ESRRB: variants seen among roughly 807,000 people sequenced by gnomAD.
ESRRB encodes the protein steroid hormone receptor ERR2.
Under a neutral mutation model 46.0 loss-of-function variants are expected in ESRRB, and 16 were observed. The observed-to-expected ratio is 0.35, with a 90% CI of 0.24 to 0.53. The LOEUF is 0.53. Among genes scored for constraint, ESRRB ranks in the 20% least tolerant of loss-of-function variants. The probability of loss-of-function intolerance (pLI) is 0.93; values close to 1 mark genes in which losing one functional copy is unlikely to be tolerated. For missense variants in ESRRB, 488 were observed against 607.4 expected, an observed-to-expected ratio of 0.80 and a Z score of 2.07; for synonymous variants, 246 against 259.6, an observed-to-expected ratio of 0.95 and a Z score of 0.50.
At chr14:76,385,560 G>A (rs1290812236) in intron 1 of ESRRB, among the ~76,000 whole-genome samples, 2 of 152,176 alleles carry the variant, frequency 1.3e-5, no homozygotes, top group East Asian at 3.8e-4. Flanking sequence ...CTTTATTCAT[G>A]GCAAATGAGC....
chr14:76,363,293 G>A (rs1884485632), intron 1 of ESRRB, among the ~76,000 whole-genome samples: 1 of 152,120 alleles, frequency 6.6e-6, no homozygotes, highest in Non-Finnish European at 1.5e-5. Flanking sequence ...TAATTTCTTG[G>A]GTGTGTTTGC....
At chr14:76,311,348 GT>G (rs1246001432) in intron 1 of ESRRB, among the ~76,000 whole-genome samples, 1 of 152,188 alleles carries the variant, frequency 6.6e-6, no homozygotes, top group Non-Finnish European at 1.5e-5. Context: ...GCTGGGGAAG[GT>G]TACCCAAGAA....
chr14:76,398,254 A>G (rs1595079023), intron 1 of ESRRB, among the ~76,000 whole-genome samples: 1 of 152,322 alleles, frequency 6.6e-6, no homozygotes, highest in South Asian at 2.1e-4. Context: ...CCAGATGAGG[A>G]AATAGGAGCT....
chr14:76,364,768 G>C (rs1161935612), intron 1 of ESRRB, among the ~76,000 whole-genome samples: 1 of 152,062 alleles, frequency 6.6e-6, no homozygotes, highest in East Asian at 1.9e-4. Context: ...CCAACTTGGG[G>C]GCAGGAAGAG....
chr14:76,434,825 A>T (rs1158002656), intron 1 of ESRRB, among the ~76,000 whole-genome samples: 1 of 152,204 alleles, frequency 6.6e-6, no homozygotes, highest in Non-Finnish European at 1.5e-5. Flanking sequence ...AGAGAGGCAG[A>T]GTGCTGTGAA....
At chr14:76,396,200 AAAAAAC>A (rs1885673672) in intron 1 of ESRRB, among the ~76,000 whole-genome samples, 3 of 150,004 alleles carry the variant, frequency 2.0e-5, no homozygotes, top group Non-Finnish European at 4.4e-5. Context: ...AAACAAAAAC[AAAAAAC>A]AAAAAAACAG....
At chr14:76,426,135 C>T (rs1887191162) in intron 1 of ESRRB, among the ~76,000 whole-genome samples, 1 of 152,188 alleles carries the variant, frequency 6.6e-6, no homozygotes, top group Non-Finnish European at 1.5e-5. Context: ...GGCAGGTGGC[C>T]TTTCACAAGG....
intron 3 of ESRRB, among the ~76,000 whole-genome samples, chr14:76,463,835 C>T (rs1224301231): frequency 1.3e-5 from 2 of 152,120 alleles, no homozygotes; most frequent in Admixed American, 1.3e-4. Context: ...TCTCCTCTTC[C>T]TCACTTTCTC....
rs1566853880 is a variant in ESRRB at position 76,333,157 on chromosome 14, AATATATATTATATATACT to A, written c.2+22250_2+22267del. ...ATATTATATATTATATATTATATAT[AATATATATTATATATACT>A]ATATATATATTATATATTATATATT... On this transcript the variant is annotated intron_variant, in intron 1 of 6. Transcript: ENST00000512784. Among the ~76,000 whole-genome samples, 2 of 11,120 alleles carry A rather than the reference AATATATATTATATATACT, an allele frequency of 1.8e-4. 1 individual carries two copies. Among genetic ancestry groups the A allele is most frequent in the African/African-American group, 6.3e-4 (2 of 3,152 alleles). The allele number at this position is 11,120 out of a possible 152,430, so 7.3% of individuals were successfully genotyped here. A position where few individuals can be genotyped will look rare whatever the true frequency, so the allele number is the denominator to read the frequency against.
chr14:76,403,970 C>T (rs961584427), intron 1 of ESRRB, among the ~76,000 whole-genome samples: 18 of 152,064 alleles, frequency 1.2e-4, no homozygotes, highest in East Asian at 1.9e-4. Flanking sequence ...CCACCCACCT[C>T]GGCCTCCCAA....
intron 1 of ESRRB, among the ~76,000 whole-genome samples, chr14:76,355,984 C>T (rs565933881): frequency 1.3e-5 from 2 of 152,342 alleles, no homozygotes; most frequent in South Asian, 4.1e-4. Flanking sequence ...AGGGGACTCT[C>T]TGGGCTCCAG....
At chr14:76,451,786 CTAA>C (rs1391766205) in intron 2 of ESRRB, among the ~76,000 whole-genome samples, 2 of 109,064 alleles carry the variant, frequency 1.8e-5, no homozygotes, top group Non-Finnish European at 3.8e-5. Flanking sequence ...CCATGCCCAG[CTAA>C]TTTTTTTTTT....
At chr14:76,469,926 G>GTTTTTTTTTTTTTTTTTTTTTTT (rs1356927268) in intron 3 of ESRRB, among the ~76,000 whole-genome samples, 3 of 67,646 alleles carry the variant, frequency 4.4e-5, no homozygotes, top group Non-Finnish European at 6.8e-5. Flanking sequence ...TGTGTTTTTT[G>GTTTTTTTTTTTTTTTTTTTTTTT]TTGTTTTTTT....
intron 1 of ESRRB, among the ~76,000 whole-genome samples, chr14:76,311,122 T>A (rs1388171791): frequency 1.3e-5 from 2 of 152,038 alleles, no homozygotes; most frequent in African/African-American, 4.8e-5. Flanking sequence ...TTTCTTAGAC[T>A]GTCACAGGAA....
intron 2 of ESRRB, among the ~76,000 whole-genome samples, chr14:76,460,847 G>A (rs1335892989): frequency 6.6e-6 from 1 of 151,100 alleles, no homozygotes; most frequent in Non-Finnish European, 1.5e-5. Flanking sequence ...GATTATAGGT[G>A]CCCACCCCTA....
chr14:76,433,165 GTCAGTGGGA>G (rs1480784935), intron 1 of ESRRB, among the ~76,000 whole-genome samples: 4 of 152,082 alleles, frequency 2.6e-5, no homozygotes, highest in Non-Finnish European at 5.9e-5. Context: ...AAAATATGAC[GTCAGTGGGA>G]TCAGGTCTAG....
At chr14:76,417,692 G>A (rs1036114979) in intron 1 of ESRRB, among the ~76,000 whole-genome samples, 4 of 152,166 alleles carry the variant, frequency 2.6e-5, no homozygotes, top group African/African-American at 9.7e-5. Context: ...TTTGGCTCTT[G>A]ACAGGTAAAA....
At chr14:76,460,232 C>T (rs543718381) in intron 2 of ESRRB, among the ~76,000 whole-genome samples, 102 of 152,324 alleles carry the variant, frequency 6.7e-4, no homozygotes, top group Middle Eastern at 3.4e-3. Flanking sequence ...CGACCTCAGC[C>T]GCTGGGTCAG....
intron 3 of ESRRB, among the ~76,000 whole-genome samples, chr14:76,472,835 A>G (rs1468085546): frequency 6.6e-6 from 1 of 152,234 alleles, no homozygotes; most frequent in Non-Finnish European, 1.5e-5. Flanking sequence ...TTCACCCCCA[A>G]GTTTCCTGGG....
Sources: gnomAD v4.1 joint callset for allele counts (sites outside exome capture counted in the v4.1 genomes callset) on GRCh38, gnomAD v4.1.1 for gene constraint, MANE v1.5 for transcripts, NCBI Gene and HGNC (gene_info 2026-07-23, HGNC 2026-07-21) for gene names.